BICC1: variants seen among roughly 807,000 people sequenced by gnomAD.
The protein encoded by BICC1 is BicC family RNA binding protein 1, also known as protein bicaudal C homolog 1.
In BICC1, 43 loss-of-function variants were observed where a neutral mutation model predicts 111.0. That is an observed-to-expected ratio of 0.39 (90% CI 0.30 to 0.50). The LOEUF is 0.50. BICC1 is among the 20% of genes least tolerant of loss of function. The pLI is 0.88. For synonymous variants in BICC1, 467 were observed against 434.4 expected, an observed-to-expected ratio of 1.07 and a Z score of -0.93; for missense variants, 1,091 against 1,203.2, an observed-to-expected ratio of 0.91 and a Z score of 1.38.
intron 1 of BICC1, among the ~76,000 whole-genome samples, chr10:58,549,771 C>T (rs185698880): frequency 1.7e-4 from 26 of 150,378 alleles, no homozygotes; most frequent in African/African-American, 4.9e-4. Context: ...CTGCAACCTC[C>T]GCTTCCTGAG....
rs1843490270 is a variant in BICC1 at position 58,800,062 on chromosome 10, T to A, written c.1726-132T>A. The A allele has an allele frequency of 1.1e-5, 7 of 633,438 alleles. No homozygotes were observed. The East Asian group carries it at 2.0e-4, about 18-fold the overall frequency. 39.2% of individuals were successfully genotyped at this position (633,438 alleles called of 1,614,324 possible). On this transcript the variant is annotated intron_variant, in intron 12 of 20. Transcript: ENST00000373886. Reference sequence around the variant, plus strand: ...TTGTAGTTCTCCTTGTAGATATATTTCATCTCCTTAGTTAGAAGTATTCCA... The same window carrying A: ...TTGTAGTTCTCCTTGTAGATATATTACATCTCCTTAGTTAGAAGTATTCCA...
At chr10:58,566,357 TAC>T (rs1564490626) in intron 1 of BICC1, among the ~76,000 whole-genome samples, 1 of 152,070 alleles carries the variant, frequency 6.6e-6, no homozygotes. Flanking sequence ...CATATATATA[TAC>T]ACACACATAT....
At chr10:58,720,814 G>A (rs1042490426) in intron 3 of BICC1, among the ~76,000 whole-genome samples, 1 of 152,216 alleles carries the variant, frequency 6.6e-6, no homozygotes, top group Non-Finnish European at 1.5e-5. Flanking sequence ...ATAGTAGGTC[G>A]TATTTGATGA....
intron 3 of BICC1, among the ~76,000 whole-genome samples, chr10:58,724,854 C>T (rs1018799153): frequency 3.9e-5 from 6 of 152,182 alleles, no homozygotes; most frequent in African/African-American, 1.2e-4. Context: ...GATTACTCAT[C>T]ATGGTGGAGT....
intron 2 of BICC1, among the ~76,000 whole-genome samples, chr10:58,635,596 A>G (rs1837929674): frequency 6.6e-6 from 1 of 152,208 alleles, no homozygotes; most frequent in South Asian, 2.1e-4. Flanking sequence ...ACCTTTTTAT[A>G]TCCATGCTCA....
intron 2 of BICC1, among the ~76,000 whole-genome samples, chr10:58,630,085 CCTT>C (rs375581073): frequency 4.0e-4 from 61 of 152,290 alleles, no homozygotes; most frequent in African/African-American, 1.4e-3. Flanking sequence ...CAGCAACAAA[CCTT>C]CTCTATACAG....
At chr10:58,525,596 A>T (rs1481970384) in intron 1 of BICC1, among the ~76,000 whole-genome samples, 1 of 148,752 alleles carries the variant, frequency 6.7e-6, no homozygotes, top group Non-Finnish European at 1.5e-5. Context: ...TAGCATTAGG[A>T]CATATACCTA....
intron 2 of BICC1, among the ~76,000 whole-genome samples, chr10:58,665,076 C>G (rs1339612110): frequency 6.6e-6 from 1 of 152,064 alleles, no homozygotes; most frequent in Admixed American, 6.6e-5. Flanking sequence ...TGCCACTTCC[C>G]CAGTAGTAGA....
intron 3 of BICC1, among the ~76,000 whole-genome samples, chr10:58,754,469 A>G (rs1842082693): frequency 6.6e-6 from 1 of 152,264 alleles, no homozygotes; most frequent in Non-Finnish European, 1.5e-5. Context: ...TACCTTTGGT[A>G]GCACATTATT....
chr10:58,632,903 GT>G (rs1837841225), intron 2 of BICC1, among the ~76,000 whole-genome samples: 1 of 152,132 alleles, frequency 6.6e-6, no homozygotes, highest in African/African-American at 2.4e-5. Flanking sequence ...ATCTGAGCTA[GT>G]TATTTAAAAA....
chr10:58,763,182 A>G (rs7069591), intron 3 of BICC1, among the ~76,000 whole-genome samples: 1,736 of 152,352 alleles, frequency 0.011, 23 homozygotes, highest in African/African-American at 0.036. Flanking sequence ...GAAAAATAAT[A>G]TGCTTCCAAT....
At position 58,512,935 on chromosome 10, in the gene BICC1, C is replaced by G. The variant is rs1038901876; in HGVS notation, c.-209C>G. On this transcript the variant is annotated 5_prime_UTR_variant, in exon 1 of 21. Coordinates refer to ENST00000373886, the MANE Select transcript of BICC1 (RefSeq NM_001080512.3). ...ACTGGACCCGGACCGGGGCCGCGAC[C>G]CGGGGTGGCGGGTGGCGTGGGCGGC... Among the ~76,000 whole-genome samples, 3 of 147,082 alleles carry G rather than the reference C, an allele frequency of 2.0e-5. No homozygotes were observed. Among genetic ancestry groups the G allele is most frequent in the Admixed American group, 1.3e-4 (2 of 14,820 alleles).
intron 2 of BICC1, chr10:58,650,257 C>T (rs1413676474): frequency 6.6e-6 from 1 of 152,146 alleles, no homozygotes; most frequent in Non-Finnish European, 1.5e-5. Context: ...ACCTGAGTTT[C>T]CTGAGCTGTT....
intron 3 of BICC1, among the ~76,000 whole-genome samples, chr10:58,733,094 G>T (rs950330948): frequency 6.6e-6 from 1 of 151,978 alleles, no homozygotes; most frequent in Non-Finnish European, 1.5e-5. Context: ...ATAAAATGAG[G>T]TATGCTTGTA....
intron 2 of BICC1, among the ~76,000 whole-genome samples, chr10:58,644,460 G>A (rs1019541850): frequency 1.3e-5 from 2 of 152,082 alleles, no homozygotes; most frequent in South Asian, 4.1e-4. Context: ...TCTCCTGTTA[G>A]TCTGTGCAGC....
rs542750833 is a variant in BICC1, at chr10:58,798,969, A to G, written c.1529-87A>G. On this transcript the variant is annotated intron_variant, in intron 11 of 20. Coordinates refer to ENST00000373886, the MANE Select transcript of BICC1 (RefSeq NM_001080512.3). The stretch of plus-strand genomic sequence containing the variant: ...TGAATTCTTTTCTGAACTTGCAGCA[A>G]CAAAAATGATATTTTTATTGTTAAT... The G allele has an allele frequency of 9.7e-5, 104 of 1,072,070 alleles. No individual in the cohort carries two copies. The African/African-American group carries it at 1.5e-3, about 16-fold the overall frequency. The allele number at this position is 1,072,070 out of a possible 1,614,324, so 66.4% of individuals were successfully genotyped here.
chr10:58,618,826 G>A (rs1295243813), intron 1 of BICC1, among the ~76,000 whole-genome samples: 2 of 152,218 alleles, frequency 1.3e-5, no homozygotes, highest in African/African-American at 4.8e-5. Flanking sequence ...GAAATTTGAA[G>A]TGGTTTTCAC....
intron 3 of BICC1, among the ~76,000 whole-genome samples, chr10:58,722,784 G>A (rs1840979240): frequency 6.6e-6 from 1 of 152,178 alleles, no homozygotes; most frequent in African/African-American, 2.4e-5. Context: ...GGTGAAATAA[G>A]TTTATTTTAT....
At chr10:58,768,617 A>G (rs1396040191) in intron 3 of BICC1, among the ~76,000 whole-genome samples, 3 of 152,202 alleles carry the variant, frequency 2.0e-5, no homozygotes, top group Non-Finnish European at 4.4e-5. Context: ...ATGTTAAAAG[A>G]CAAAAGTATT....
Sources: allele counts gnomAD v4.1 joint callset (sites outside exome capture counted in the v4.1 genomes callset), GRCh38; gene constraint gnomAD v4.1.1; transcripts MANE v1.5; gene names NCBI Gene and HGNC (gene_info 2026-07-23, HGNC 2026-07-21).